Variants in USO1 observed in about 807,000 individuals in gnomAD.
USO1 encodes general vesicular transport factor p115.
Under a neutral mutation model 124.5 loss-of-function variants are expected in USO1, and 57 were observed. The observed-to-expected ratio is 0.46, with a 90% CI of 0.37 to 0.57. USO1 has a LOEUF of 0.57. Among genes scored for constraint, USO1 ranks in the 20% least tolerant of loss-of-function variants. USO1 has a pLI of 0.00. For synonymous variants in USO1, 369 were observed against 362.8 expected (o/e 1.02, Z -0.19); for missense variants, 900 against 1,040.6 (o/e 0.86, Z 1.86).
chr4:75,743,206 C>T (rs1367916586), intron 1 of USO1, among the ~76,000 whole-genome samples: 2 of 151,984 alleles, frequency 1.3e-5, no homozygotes, highest in South Asian at 2.1e-4. Context: ...AGGATGGTCA[C>T]GATCTCCTGA....
chr4:75,758,674 G>C (rs1329564758), intron 4 of USO1, among the ~76,000 whole-genome samples: 1 of 152,024 alleles, frequency 6.6e-6, no homozygotes, highest in East Asian at 1.9e-4. Context: ...CTTGAACCTA[G>C]GAGTTCAAGA....
At chr4:75,744,594 A>G (rs1179121093) in intron 1 of USO1, among the ~76,000 whole-genome samples, 1 of 151,922 alleles carries the variant, frequency 6.6e-6, no homozygotes. Context: ...TCTTTTTTGT[A>G]TTTTTAGTAG....
At chr4:75,781,053 C>G (rs535747491) in intron 8 of USO1, among the ~76,000 whole-genome samples, 1 of 152,176 alleles carries the variant, frequency 6.6e-6, no homozygotes, top group East Asian at 1.9e-4. Context: ...TGAAAACTTT[C>G]TGGAAACGAT....
At chr4:75,795,585 T>C (rs1330029490) in intron 13 of USO1, among the ~76,000 whole-genome samples, 1 of 152,216 alleles carries the variant, frequency 6.6e-6, no homozygotes, top group Non-Finnish European at 1.5e-5. Context: ...TCTGAATCTA[T>C]ACTTGTGCTT....
At chr4:75,792,307 C>T (rs954303464) in intron 12 of USO1, among the ~76,000 whole-genome samples, 1 of 152,042 alleles carries the variant, frequency 6.6e-6, no homozygotes, top group South Asian at 2.1e-4. Context: ...GAGGCCAAGG[C>T]GGGTGGATCA....
chr4:75,796,130 G>A (rs1388020425), intron 13 of USO1, among the ~76,000 whole-genome samples: 1 of 152,036 alleles, frequency 6.6e-6, no homozygotes, highest in Non-Finnish European at 1.5e-5. Context: ...GCTTTAGCCT[G>A]CAGAATTTTA....
chr4:75,812,271 A>G lies in USO1; in HGVS notation c.2695A>G (p.Ile899Val). Residue 899 changes from isoleucine (I) to valine (V), a missense_variant, in exon 23 of 24, where the codon ATT (isoleucine) becomes GTT (valine). Coordinates refer to ENST00000514213, the MANE Select transcript of USO1 (RefSeq NM_003715.4). Reference protein sequence around the residue: ...QTEKDKLELEITDSKKEQDDL... With the variant: ...QTEKDKLELEVTDSKKEQDDL... ...TGAGAAAGACAAACTAGAGTTGGAAATTACAGATTCTAAAAAAGAACAAGA... is the reference window on the plus strand; with the variant it reads ...TGAGAAAGACAAACTAGAGTTGGAAGTTACAGATTCTAAAAAAGAACAAGA... 2 of 1,608,818 alleles carry G rather than the reference A, an allele frequency of 1.2e-6. No individual in the cohort carries two copies. Among genetic ancestry groups the G allele is most frequent in the East Asian group, 4.5e-5 (2 of 44,766 alleles).
At position 75,771,123 on chromosome 4, in the gene USO1, G is replaced by A; in HGVS notation, c.541G>A (p.Val181Ile). Residue 181 changes from valine to isoleucine, a missense_variant, in exon 7 of 24, where the codon GTT becomes ATT. This residue lies in a region of USO1 where 538 missense variants were observed against 681.6 expected (regional missense o/e 0.79). Transcript: ENST00000514213. ...LMDLLADSRE[V>I]IRNDGVLLLQ... ...GGACTTACTAGCGGATTCCAGGGAA[G>A]TTATACGTAATGATGTAAGTTAAAT... 6.2e-7 allele frequency: 1 copy of A among 1,610,762 alleles called. No individual in the cohort carries two copies. Among genetic ancestry groups the A allele is most frequent in the Non-Finnish European group, 8.5e-7 (1 of 1,178,878 alleles).
At chr4:75,781,555 A>T (rs1205877448) in intron 8 of USO1, among the ~76,000 whole-genome samples, 2 of 152,220 alleles carry the variant, frequency 1.3e-5, no homozygotes, top group Non-Finnish European at 2.9e-5. Context: ...ACATGATGCT[A>T]TTGCACACTT....
chr4:75,789,409 T>C (rs1019225823), intron 10 of USO1, among the ~76,000 whole-genome samples: 6 of 152,040 alleles, frequency 3.9e-5, no homozygotes, highest in Non-Finnish European at 8.8e-5. Context: ...TCACAAGTAA[T>C]GGGGATTATA....
intron 10 of USO1, 112 bp from the exon 11 acceptor site, chr4:75,790,038 A>T (rs1406563854): frequency 1.7e-5 from 20 of 1,201,826 alleles, no homozygotes; most frequent in Non-Finnish European, 2.2e-5. Context: ...CCTAAAACTT[A>T]AAGTATAATA....
At chr4:75,786,806 A>C (rs1722374322) in intron 9 of USO1, among the ~76,000 whole-genome samples, 1 of 152,204 alleles carries the variant, frequency 6.6e-6, no homozygotes, top group Non-Finnish European at 1.5e-5. Context: ...TTCTTTGGGA[A>C]ACAAAAATGA....
intron 19 of USO1, among the ~76,000 whole-genome samples, chr4:75,805,688 G>A (rs1361428614): frequency 4.7e-5 from 7 of 149,156 alleles, no homozygotes; most frequent in African/African-American, 2.5e-5. Context: ...TTGCCTGTGC[G>A]ACAGAGGGAG....
chr4:75,761,452 A>G (rs1294985237), intron 4 of USO1, among the ~76,000 whole-genome samples: 1 of 152,160 alleles, frequency 6.6e-6, no homozygotes, highest in Non-Finnish European at 1.5e-5. Context: ...AATCTATAAA[A>G]GTAATATTTC....
At chr4:75,727,640 G>A (rs1720502722) in intron 1 of USO1, among the ~76,000 whole-genome samples, 1 of 152,072 alleles carries the variant, frequency 6.6e-6, no homozygotes, top group African/African-American at 2.4e-5. Context: ...ATTTAGTCTG[G>A]CCAGGATATT....
At chr4:75,788,522 ATTTTCTTTTC>A (rs1274358872) in intron 10 of USO1, among the ~76,000 whole-genome samples, 22 of 143,274 alleles carry the variant, frequency 1.5e-4, no homozygotes, top group South Asian at 9.0e-4. Flanking sequence ...ATTTTTCTTA[ATTTTCTTTTC>A]TTTTCTTTTC....
chr4:75,765,546 A>G (rs770251992), intron 4 of USO1, among the ~76,000 whole-genome samples: 7 of 151,780 alleles, frequency 4.6e-5, no homozygotes, highest in Middle Eastern at 6.8e-3. Context: ...ATCTTTTCCA[A>G]TTTTTTCACA....
chr4:75,724,782 T>C lies in USO1; in HGVS notation c.-38T>C. The C allele has an allele frequency of 1.2e-6, 2 of 1,612,074 alleles. No individual in the cohort carries two copies. The highest frequency in any genetic ancestry group is 1.7e-6 in the Non-Finnish European group (2 of 1,178,658). The stretch of plus-strand genomic sequence containing the variant: ...GCGGGGGAAGTTGTCTTCTTTTTTT[T>C]CCGGAGGGGCCGGTAAACCTGGTGG... On this transcript the variant is annotated 5_prime_UTR_variant, in exon 1 of 24. Transcript: ENST00000514213.
chr4:75,762,495 T>C (rs191467077), intron 4 of USO1, among the ~76,000 whole-genome samples: 55 of 148,928 alleles, frequency 3.7e-4, no homozygotes, highest in African/African-American at 1.3e-3. Flanking sequence ...TTTTCCTTCC[T>C]TTTTTTTTTA....
Sources: allele counts gnomAD v4.1 joint callset (sites outside exome capture counted in the v4.1 genomes callset), GRCh38; gene constraint gnomAD v4.1.1; regional missense constraint gnomAD v4.1.1; transcripts MANE v1.5; gene names NCBI Gene and HGNC (gene_info 2026-07-23, HGNC 2026-07-21).